PIGF: variants seen among roughly 807,000 people sequenced by gnomAD.
PIGF encodes the protein phosphatidylinositol glycan anchor biosynthesis class F.
Under a neutral mutation model 26.0 loss-of-function variants are expected in PIGF, and 23 were observed. The ratio of observed to expected loss-of-function variants is 0.88; its 90% CI spans 0.64 to 1.25. The LOEUF (loss-of-function observed/expected upper bound fraction) is 1.25. PIGF is among the 50% of genes most tolerant of loss of function. The probability of loss-of-function intolerance (pLI) is 0.00; values close to 1 mark genes in which losing one functional copy is unlikely to be tolerated. For synonymous variants in PIGF, 93 were observed against 92.6 expected, an observed-to-expected ratio of 1.00 and a Z score of -0.03; for missense variants, 278 against 249.9, an observed-to-expected ratio of 1.11 and a Z score of -0.76.
intron 4 of PIGF, among the ~76,000 whole-genome samples, chr2:46,598,041 T>A (rs1429905137): frequency 6.6e-6 from 1 of 152,166 alleles, no homozygotes; most frequent in African/African-American, 2.4e-5. Flanking sequence ...TACTATTATT[T>A]TGAACTAATT....
intron 1 of PIGF, chr2:46,615,571 GTTTA>G (rs1318564129): frequency 1.2e-5 from 2 of 161,266 alleles, no homozygotes; most frequent in East Asian, 1.8e-4. Flanking sequence ...TATAACCAAA[GTTTA>G]TTTATGCGGT....
chr2:46,606,151 T>C (rs909228041), intron 4 of PIGF, among the ~76,000 whole-genome samples: 4 of 152,186 alleles, frequency 2.6e-5, no homozygotes, highest in African/African-American at 9.6e-5. Context: ...TCATTATAAC[T>C]TTTATTTTGA....
At chr2:46,605,517 C>T (rs1048924966) in intron 4 of PIGF, among the ~76,000 whole-genome samples, 1 of 152,064 alleles carries the variant, frequency 6.6e-6, no homozygotes, top group Non-Finnish European at 1.5e-5. Context: ...ATTCAACAAA[C>T]ATTTCTTAAG....
At chr2:46,592,674 A>G in intron 4 of PIGF, 91 bp from the exon 5 acceptor site, 1 of 671,890 alleles carries the variant, frequency 1.5e-6, no homozygotes, top group Non-Finnish European at 2.8e-6. Flanking sequence ...CAGTATACAT[A>G]TATTTCCTGC....
At chr2:46,600,257 T>C (rs887770557) in intron 4 of PIGF, among the ~76,000 whole-genome samples, 2 of 152,208 alleles carry the variant, frequency 1.3e-5, no homozygotes, top group African/African-American at 4.8e-5. Flanking sequence ...ACTCTATTGG[T>C]AGGAATATGT....
rs1468205156 is a variant in PIGF at position 46,581,207 on chromosome 2, G to C, written c.*271C>G. Reference sequence around the variant, plus strand: ...CAAAACTTGAAAGAAAACAAAACCTGTCCTCAGAATTCTATAAAGTGTATT... The same window carrying C: ...CAAAACTTGAAAGAAAACAAAACCTCTCCTCAGAATTCTATAAAGTGTATT... On this transcript the variant is annotated 3_prime_UTR_variant, in exon 6 of 6. Coordinates refer to ENST00000281382, the MANE Select transcript of PIGF (RefSeq NM_002643.4). 1 of 973,988 alleles carries C rather than the reference G, an allele frequency of 1.0e-6. No homozygotes were observed. The highest frequency in any genetic ancestry group is 1.5e-6 in the Non-Finnish European group (1 of 676,838). The allele number at this position is 973,988 out of a possible 1,614,324, so 60.3% of individuals were successfully genotyped here.
At chr2:46,600,691 G>T (rs989806362) in intron 4 of PIGF, among the ~76,000 whole-genome samples, 6 of 152,100 alleles carry the variant, frequency 3.9e-5, no homozygotes, top group African/African-American at 1.4e-4. Flanking sequence ...ATGACTATCT[G>T]TGTCTAGAAC....
rs566917162 is a variant in PIGF at position 46,581,028 on chromosome 2, A to T, written c.*450T>A. 1.8e-5 allele frequency: 29 copies of T among 1,591,140 alleles called. No homozygotes were observed. The African/African-American group carries it at 3.3e-4, about 18-fold the overall frequency. ...ATAGCCATTTTAACTCCAAAGAAAC[A>T]CACTGTAAAAAAAAGAATAGGATCA... is the stretch of plus-strand genomic sequence containing the variant. On this transcript the variant is annotated 3_prime_UTR_variant, in exon 6 of 6. Transcript: ENST00000281382.
At chr2:46,613,806 C>G in intron 2 of PIGF, 21 bp from the exon 3 acceptor site, 3 of 1,512,562 alleles carry the variant, frequency 2.0e-6, no homozygotes, top group Non-Finnish European at 2.7e-6. Flanking sequence ...AATGAATAAC[C>G]TGAAGATTCA....
In PIGF at chr2:46,581,144, C is replaced by A. The variant is rs549446550; in HGVS notation, c.*334G>T. Reference sequence around the variant, plus strand: ...CTCTCAGAAAGCAAATGAAATGCTACAGCTATACCCAGACCTTTTATAGGT... The same window carrying A: ...CTCTCAGAAAGCAAATGAAATGCTAAAGCTATACCCAGACCTTTTATAGGT... On this transcript the variant is annotated 3_prime_UTR_variant, in exon 6 of 6. Transcript: ENST00000281382. 33 of 1,308,444 alleles carry A rather than the reference C, an allele frequency of 2.5e-5. No individual in the cohort carries two copies. In the South Asian group the frequency reaches 4.4e-4, roughly 17 times the overall value. The allele number at this position is 1,308,444 out of a possible 1,614,324, so 81.1% of individuals were successfully genotyped here.
rs140295056 is a variant in PIGF, at chr2:46,594,308, G to A, written c.438-1725C>T. 2.7e-3 allele frequency among the ~76,000 whole-genome samples: 405 copies of A among 152,330 alleles called. 1 individual carries two copies. The highest frequency in any genetic ancestry group is 8.7e-3 in the African/African-American group (363 of 41,564). On this transcript the variant is annotated intron_variant, in intron 4 of 5. Coordinates refer to ENST00000281382, the MANE Select transcript of PIGF (RefSeq NM_002643.4). ...AGTGATGTGCCTGGAAACATAAGGT[G>A]TGGTAGAGGTTGAGAGCAGAGATTA...
intron 4 of PIGF, among the ~76,000 whole-genome samples, chr2:46,593,353 G>A (rs944187439): frequency 5.3e-5 from 8 of 151,988 alleles, no homozygotes; most frequent in African/African-American, 9.7e-5. Flanking sequence ...GGCTGGTCTC[G>A]AACTCCTAAC....
Position 46,615,161 on chromosome 2 carries a change from T to G in PIGF, c.4A>C (p.Lys2Gln), listed in dbSNP as rs1428720278. The G allele has an allele frequency of 6.9e-7, 1 of 1,448,648 alleles. No individual in the cohort carries two copies. The highest frequency in any genetic ancestry group is 9.7e-7 in the Non-Finnish European group (1 of 1,033,760). The allele number at this position is 1,448,648 out of a possible 1,614,324, so 89.7% of individuals were successfully genotyped here. The change falls in exon 2 of 6, where the codon AAA becomes CAA. Residue 2 changes from lysine (K) to glutamine (Q), a missense_variant. By Grantham distance (53) the Lys-to-Gln change is moderately conservative. Coordinates refer to ENST00000281382, the MANE Select transcript of PIGF (RefSeq NM_002643.4). MKDNDIKRLLYT... is the reference protein window; with the variant it reads MQDNDIKRLLYT... Reference sequence around the variant, plus strand: ...AGTAGTCTCTTGATATCGTTATCTTTCATGGTGTTTTCTTGGATGGCTAGC... The same window carrying G: ...AGTAGTCTCTTGATATCGTTATCTTGCATGGTGTTTTCTTGGATGGCTAGC...
chr2:46,613,932 C>T (rs762531866), intron 2 of PIGF, 147 bp from the exon 3 acceptor site: 1 of 662,892 alleles, frequency 1.5e-6, no homozygotes, highest in Non-Finnish European at 2.6e-6. Flanking sequence ...ATCACATGTC[C>T]TGTACCGTCA....
At chr2:46,581,638 T>C in intron 5 of PIGF, 47 bp from the exon 6 acceptor site, 3 of 1,587,036 alleles carry the variant, frequency 1.9e-6, no homozygotes, top group Non-Finnish European at 2.6e-6. Flanking sequence ...TGTTTTATTA[T>C]TACTTGAGCA....
intron 4 of PIGF, among the ~76,000 whole-genome samples, chr2:46,603,624 T>C (rs1331308489): frequency 6.6e-6 from 1 of 151,964 alleles, no homozygotes; most frequent in Non-Finnish European, 1.5e-5. Flanking sequence ...GTCTCTTCCA[T>C]AAGTGGTGGC....
At chr2:46,608,747 T>G (rs1253996232) in intron 4 of PIGF, among the ~76,000 whole-genome samples, 2 of 152,236 alleles carry the variant, frequency 1.3e-5, no homozygotes, top group African/African-American at 4.8e-5. Flanking sequence ...AGGCACATTG[T>G]CAATGAGCAG....
At chr2:46,614,898 G>A (rs1670558219) in intron 2 of PIGF, 39 bp downstream of exon 2, 1 of 925,452 alleles carries the variant, frequency 1.1e-6, no homozygotes, top group African/African-American at 1.6e-5. Flanking sequence ...AGAAACACTA[G>A]CTCCATCCAA....
chr2:46,605,580 A>C (rs926896770), intron 4 of PIGF, among the ~76,000 whole-genome samples: 1 of 152,152 alleles, frequency 6.6e-6, no homozygotes, highest in African/African-American at 2.4e-5. Flanking sequence ...AGCCCTGCAA[A>C]GTACATATTA....
Sources: allele counts gnomAD v4.1 joint callset (sites outside exome capture counted in the v4.1 genomes callset), GRCh38; gene constraint gnomAD v4.1.1; transcripts MANE v1.5; gene names NCBI Gene and HGNC (gene_info 2026-07-23, HGNC 2026-07-21).